CYP4V2: variants seen among roughly 807,000 people sequenced by gnomAD.
The protein encoded by CYP4V2 is cytochrome P450 family 4 subfamily V member 2.
A neutral mutation model predicts 60.8 loss-of-function variants in CYP4V2; 55 were observed. That is an observed-to-expected ratio of 0.90 (90% confidence interval 0.73 to 1.13). The LOEUF is 1.13. Among genes scored for constraint, CYP4V2 ranks in the 50% most tolerant of loss-of-function variants. CYP4V2 has a pLI of 0.00. For synonymous variants in CYP4V2, 239 were observed against 236.8 expected, an observed-to-expected ratio of 1.01 and a Z score of -0.08; for missense variants, 675 against 662.9, an observed-to-expected ratio of 1.02 and a Z score of -0.20.
chr4:186,201,029 T>C, intron 6 of CYP4V2, 128 bp from the exon 7 acceptor site: 1 of 943,602 alleles, frequency 1.1e-6, no homozygotes, highest in Non-Finnish European at 1.6e-6. Context: ...AGAGCCTATG[T>C]TGTCGAAATG....
chr4:186,192,600 C>A (rs996318073), intron 1 of CYP4V2, among the ~76,000 whole-genome samples: 1 of 152,204 alleles, frequency 6.6e-6, no homozygotes, highest in Non-Finnish European at 1.5e-5. Context: ...AGGCAGACTT[C>A]TTTGGAGGGT....
intron 5 of CYP4V2, 148 bp from the exon 6 acceptor site, chr4:186,198,809 C>T (rs1379365280): frequency 1.7e-6 from 2 of 1,203,004 alleles, no homozygotes; most frequent in African/African-American, 3.0e-5. Context: ...GCCTTCACTG[C>T]TAAGCATAAA....
chr4:186,196,864 G>T lies in CYP4V2; in HGVS notation c.414-76G>T, dbSNP rs1014276097. On this transcript the variant is annotated intron_variant, in intron 3 of 10. Coordinates refer to ENST00000378802, the MANE Select transcript of CYP4V2 (RefSeq NM_207352.4). Reference sequence around the variant, plus strand: ...GACTTGCTATATTTATGCTTTAATCGTTTTGGATGTTACTTTTCTCTTTCT... The same window carrying T: ...GACTTGCTATATTTATGCTTTAATCTTTTTGGATGTTACTTTTCTCTTTCT... 3.3e-5 allele frequency: 48 copies of T among 1,467,206 alleles called. No homozygotes were observed. The African/African-American group carries it at 6.0e-4, about 18-fold the overall frequency. The allele number at this position is 1,467,206 out of a possible 1,614,324, so 90.9% of individuals were successfully genotyped here.
Position 186,209,009 on chromosome 4 carries a change from C to G in CYP4V2, c.1225+10C>G. ...GAAGATTGTGAAGTGGGTAAGTATG[C>G]TATACCTAAAGTAGAAGGGAGAGGG... On this transcript the variant is annotated intron_variant, in intron 9 of 10. Coordinates refer to ENST00000378802, the MANE Select transcript of CYP4V2 (RefSeq NM_207352.4). The G allele has an allele frequency of 6.2e-7, 1 of 1,614,138 alleles. No homozygotes were observed. The highest frequency in any genetic ancestry group is 1.6e-4 in the Middle Eastern group (1 of 6,062).
intron 3 of CYP4V2, 64 bp downstream of exon 3, chr4:186,196,152 T>A: frequency 1.5e-6 from 2 of 1,349,992 alleles, no homozygotes; most frequent in Non-Finnish European, 2.1e-6. Context: ...CAACTTGTTA[T>A]TTCAAGAATT....
rs894597248 is a variant in CYP4V2 at position 186,192,124 on chromosome 4, C to T, written c.214+87C>T. On this transcript the variant is annotated intron_variant, in intron 1 of 10. Coordinates refer to ENST00000378802, the MANE Select transcript of CYP4V2 (RefSeq NM_207352.4). Reference sequence around the variant, plus strand: ...TCAGCCAGGAACCCGCTGCTTGTGGCGCTGGCCGCAGGAGAGAGGAGCCTG... The same window carrying T: ...TCAGCCAGGAACCCGCTGCTTGTGGTGCTGGCCGCAGGAGAGAGGAGCCTG... 21 of 1,486,754 alleles carry T rather than the reference C, an allele frequency of 1.4e-5. No individual in the cohort carries two copies. In the African/African-American group the frequency reaches 2.5e-4, roughly 18 times the overall value. The allele number at this position is 1,486,754 out of a possible 1,614,324, so 92.1% of individuals were successfully genotyped here.
chr4:186,208,167 A>G (rs4276325), intron 8 of CYP4V2, among the ~76,000 whole-genome samples: 61,748 of 141,676 alleles, frequency 0.44, 13,562 homozygotes, highest in South Asian at 0.54. Context: ...CTTGATCCAC[A>G]TGTTCTTCTT....
intron 6 of CYP4V2, among the ~76,000 whole-genome samples, chr4:186,199,530 T>C (rs1342735556): frequency 1.3e-5 from 2 of 152,168 alleles, no homozygotes; most frequent in East Asian, 3.9e-4. Context: ...AATTACAACA[T>C]GTGATATGAG....
chr4:186,196,524 C>G (rs1736151219), intron 3 of CYP4V2: 1 of 293,748 alleles, frequency 3.4e-6, no homozygotes, highest in African/African-American at 2.2e-5. Context: ...AAGGCAGGAG[C>G]CTAGCAGGGA....
At chr4:186,197,650 C>G in intron 5 of CYP4V2, 48 bp downstream of exon 5, 1 of 1,584,064 alleles carries the variant, frequency 6.3e-7, no homozygotes, top group Non-Finnish European at 8.7e-7. Flanking sequence ...TTGATTTAGG[C>G]TTTAAAAATT....
Position 186,212,734 on chromosome 4 carries a change from A to G in CYP4V2, c.*2093A>G, listed in dbSNP as rs565156691. The G allele has an allele frequency of 6.6e-6, 1 of 152,236 alleles. No homozygotes were observed. Among genetic ancestry groups the G allele is most frequent in the African/African-American group, 2.4e-5 (1 of 41,458 alleles). The allele number at this position is 152,236 out of a possible 1,614,324, so 9.4% of individuals were successfully genotyped here. Reference sequence around the variant, plus strand: ...GTAGGACATGTGTTCTTCAATGGATATCAAAGGAAGAGGTTGCAAACCAAA... The same window carrying G: ...GTAGGACATGTGTTCTTCAATGGATGTCAAAGGAAGAGGTTGCAAACCAAA... On this transcript the variant is annotated 3_prime_UTR_variant, in exon 11 of 11. Transcript: ENST00000378802.
intron 5 of CYP4V2, among the ~76,000 whole-genome samples, chr4:186,198,469 G>T (rs1008878052): frequency 5.3e-5 from 8 of 152,178 alleles, no homozygotes; most frequent in Non-Finnish European, 1.0e-4. Context: ...TCACATAGGG[G>T]TCTTTCTGCT....
At chr4:186,206,961 C>T (rs1736525739) in intron 8 of CYP4V2, among the ~76,000 whole-genome samples, 1 of 152,180 alleles carries the variant, frequency 6.6e-6, no homozygotes, top group Non-Finnish European at 1.5e-5. Context: ...GTATCCCCTA[C>T]AAAGTTTAGC....
Position 186,194,574 on chromosome 4 carries a change from G to C in CYP4V2, c.289G>C (p.Val97Leu). The C allele has an allele frequency of 6.2e-7, 1 of 1,614,198 alleles. No homozygotes were observed. The highest frequency in any genetic ancestry group is 8.5e-7 in the Non-Finnish European group (1 of 1,180,008). The change falls in exon 2 of 11, where the codon GTG becomes CTG. Residue 97 changes from valine (V) to leucine (L), a missense_variant. Transcript: ENST00000378802. ...MPLLKLWVGPVPMVALYNAEN... is the reference protein window; with the variant it reads ...MPLLKLWVGPLPMVALYNAEN... ...GCTGCTGAAGCTCTGGGTCGGGCCA[G>C]TGCCCATGGTGGCCCTTTATAATGC...
At chr4:186,204,061 C>T (rs1317025166) in intron 7 of CYP4V2, 1 of 151,980 alleles carries the variant, frequency 6.6e-6, no homozygotes, top group Non-Finnish European at 1.5e-5. Context: ...AAGAACTCAC[C>T]ACTTTTGCAT....
In CYP4V2 at chr4:186,208,938, C is replaced by G. The variant is rs1290612755; in HGVS notation, c.1164C>G (p.Thr388=). Residue 388 remains threonine, a synonymous_variant, in exon 9 of 11, where the codon ACC becomes ACG. Transcript: ENST00000378802. ...ATCTGGAATGTGTTATTAAGGAGACCCTTCGCCTTTTTCCTTCTGTTCCTT... is the reference window on the plus strand; with the variant it reads ...ATCTGGAATGTGTTATTAAGGAGACGCTTCGCCTTTTTCCTTCTGTTCCTT... ...LRYLECVIKE[T]LRLFPSVPLF... 1.2e-6 allele frequency: 2 copies of G among 1,614,158 alleles called. No individual in the cohort carries two copies. The highest frequency in any genetic ancestry group is 1.7e-6 in the Non-Finnish European group (2 of 1,180,036).
In CYP4V2 at chr4:186,208,660, A is replaced by G. The variant is rs9684134; in HGVS notation, c.1091-205A>G. ...GAAGGGTATTTGATGGGTATTTAGC[A>G]TCCAGTACCTTGATCCACATGTTCT... is the stretch of plus-strand genomic sequence containing the variant. On this transcript the variant is annotated intron_variant, in intron 8 of 10. Coordinates refer to ENST00000378802, the MANE Select transcript of CYP4V2 (RefSeq NM_207352.4). Among the ~76,000 whole-genome samples, 60,835 of 148,428 alleles carry G rather than the reference A, an allele frequency of 0.41. 12,514 individuals are homozygous for G. Among genetic ancestry groups the G allele is most frequent in the South Asian group, 0.54 (2,480 of 4,576 alleles).
chr4:186,198,229 C>T (rs1736213612), intron 5 of CYP4V2, among the ~76,000 whole-genome samples: 1 of 152,228 alleles, frequency 6.6e-6, no homozygotes, highest in Non-Finnish European at 1.5e-5. Flanking sequence ...TATTAGGCAT[C>T]TGTGATTTTC....
At position 186,208,331 on chromosome 4, in the gene CYP4V2, A is replaced by G. The variant is rs1337726369; in HGVS notation, c.1091-534A>G. Among the ~76,000 whole-genome samples the G allele has an allele frequency of 4.0e-5, 6 of 150,430 alleles. No individual in the cohort carries two copies. In the South Asian group the frequency reaches 6.3e-4, roughly 16 times the overall value. ...GGTATTTGATGGGTATTTAGCATCCAGTACCTTGATCCACGTGTTCTTCTT... is the reference window on the plus strand; with the variant it reads ...GGTATTTGATGGGTATTTAGCATCCGGTACCTTGATCCACGTGTTCTTCTT... On this transcript the variant is annotated intron_variant, in intron 8 of 10. Coordinates refer to ENST00000378802, the MANE Select transcript of CYP4V2 (RefSeq NM_207352.4).
Sources: allele counts gnomAD v4.1 joint callset (sites outside exome capture counted in the v4.1 genomes callset), GRCh38; gene constraint gnomAD v4.1.1; transcripts MANE v1.5; gene names NCBI Gene and HGNC (gene_info 2026-07-23, HGNC 2026-07-21).